Variants in PKP4 observed in about 807,000 individuals in gnomAD.
PKP4 encodes plakophilin 4, also known as plakophilin-4.
A neutral mutation model predicts 145.1 loss-of-function variants in PKP4; 90 were observed. The observed-to-expected ratio is 0.62, with a 90% CI of 0.52 to 0.74. PKP4 has a LOEUF of 0.74. PKP4 is among the 30% of genes least tolerant of loss of function. The pLI is 0.00. For missense variants in PKP4, 1,340 were observed against 1,482.7 expected (o/e 0.90, Z 1.58); for synonymous variants, 563 against 577.2 (o/e 0.98, Z 0.35).
intron 15 of PKP4, among the ~76,000 whole-genome samples, chr2:158,663,959 G>T (rs977965331): frequency 6.6e-6 from 1 of 152,212 alleles, no homozygotes; most frequent in African/African-American, 2.4e-5. Flanking sequence ...TGTGGGCCAG[G>T]ACTACTGGCT....
chr2:158,606,081 A>G (rs910463384), intron 4 of PKP4, among the ~76,000 whole-genome samples: 32 of 152,176 alleles, frequency 2.1e-4, no homozygotes, highest in African/African-American at 7.7e-4. Context: ...CATTTGTATA[A>G]AAGTTTTGAA....
At chr2:158,594,971 C>T (rs955101015) in intron 3 of PKP4, among the ~76,000 whole-genome samples, 4 of 152,154 alleles carry the variant, frequency 2.6e-5, no homozygotes, top group African/African-American at 9.7e-5. Flanking sequence ...TTCCTGTCTT[C>T]ACCTTACTGA....
chr2:158,497,611 CTG>C (rs1298318701), intron 1 of PKP4, among the ~76,000 whole-genome samples: 2 of 152,204 alleles, frequency 1.3e-5, no homozygotes, highest in South Asian at 2.1e-4. Flanking sequence ...TGAATTTAAA[CTG>C]TGTCACTAGC....
At chr2:158,554,910 A>C (rs1012105819) in intron 2 of PKP4, among the ~76,000 whole-genome samples, 1 of 152,200 alleles carries the variant, frequency 6.6e-6, no homozygotes, top group African/African-American at 2.4e-5. Flanking sequence ...CAAGAACAGC[A>C]GGGGTCCACT....
intron 3 of PKP4, among the ~76,000 whole-genome samples, chr2:158,597,400 T>C (rs2105835703): frequency 6.6e-6 from 1 of 152,348 alleles, no homozygotes; most frequent in African/African-American, 2.4e-5. Context: ...TAGATGCAGG[T>C]AGAATTAATA....
intron 10 of PKP4, among the ~76,000 whole-genome samples, chr2:158,641,949 A>G (rs2054321389): frequency 6.6e-6 from 1 of 151,318 alleles, no homozygotes; most frequent in Non-Finnish European, 1.5e-5. Flanking sequence ...AACCACTTAA[A>G]TCTCCTATCT....
chr2:158,593,158 G>C (rs952724954), intron 3 of PKP4, among the ~76,000 whole-genome samples: 3 of 152,020 alleles, frequency 2.0e-5, no homozygotes, highest in African/African-American at 7.2e-5. Flanking sequence ...AATGAGGAAG[G>C]CAACAGCATT....
intron 1 of PKP4, among the ~76,000 whole-genome samples, chr2:158,510,985 T>C (rs1188961541): frequency 6.6e-6 from 1 of 152,208 alleles, no homozygotes; most frequent in Non-Finnish European, 1.5e-5. Flanking sequence ...CAATTCCTGT[T>C]GTGCCAGACC....
intron 3 of PKP4, among the ~76,000 whole-genome samples, chr2:158,598,337 T>C (rs988758520): frequency 7.9e-5 from 12 of 152,188 alleles, no homozygotes; most frequent in African/African-American, 2.9e-4. Context: ...AGAATTACCA[T>C]GTGGCTCCAT....
In PKP4 at chr2:158,680,440, G is replaced by A. The variant is rs1363005484; in HGVS notation, c.3342G>A (p.Leu1114=). The change falls in exon 22 of 22, where the codon CTG becomes CTA. Residue 1114 remains leucine, a synonymous_variant. Coordinates refer to ENST00000389759, the MANE Select transcript of PKP4 (RefSeq NM_003628.6). ...EQNRRLQHQQ[L]YYSQDDSNRK... Reference sequence around the variant, plus strand: ...CATTTTGTCAACAGCATCAACAGCTGTATTATAGTCAAGATGACTCCAACA... The same window carrying A: ...CATTTTGTCAACAGCATCAACAGCTATATTATAGTCAAGATGACTCCAACA... 6.2e-7 allele frequency: 1 copy of A among 1,609,338 alleles called. No individual in the cohort carries two copies. The highest frequency in any genetic ancestry group is 8.5e-7 in the Non-Finnish European group (1 of 1,177,928).
intron 6 of PKP4, among the ~76,000 whole-genome samples, chr2:158,621,751 A>C (rs76044095): frequency 1.4e-5 from 2 of 140,502 alleles, no homozygotes; most frequent in Non-Finnish European, 3.1e-5. Flanking sequence ...GTCTCAAAAC[A>C]AAAAAAAAAA....
intron 2 of PKP4, among the ~76,000 whole-genome samples, chr2:158,564,765 G>A (rs1310074274): frequency 6.6e-6 from 1 of 152,144 alleles, no homozygotes; most frequent in Admixed American, 6.6e-5. Flanking sequence ...GCATGTGTGT[G>A]TATAGTTTGA....
chr2:158,678,707 A>C (rs2058225281), intron 21 of PKP4, 53 bp downstream of exon 21: 6 of 1,138,848 alleles, frequency 5.3e-6, no homozygotes, highest in Non-Finnish European at 8.0e-6. Flanking sequence ...TAACACAGTA[A>C]GGGGTCCACG....
At chr2:158,569,082 T>C (rs1056251323) in intron 2 of PKP4, among the ~76,000 whole-genome samples, 1 of 152,226 alleles carries the variant, frequency 6.6e-6, no homozygotes, top group Non-Finnish European at 1.5e-5. Context: ...GCTTTTCTTG[T>C]GTATTTTTAA....
intron 1 of PKP4, among the ~76,000 whole-genome samples, chr2:158,505,121 G>A (rs1423355211): frequency 6.6e-6 from 1 of 152,194 alleles, no homozygotes; most frequent in Non-Finnish European, 1.5e-5. Flanking sequence ...TCATGAGGAT[G>A]TTGTAAGAGT....
intron 1 of PKP4, among the ~76,000 whole-genome samples, chr2:158,473,495 C>T (rs556212086): frequency 2.4e-4 from 37 of 152,160 alleles, no homozygotes; most frequent in East Asian, 1.9e-4. Context: ...TAACAAGATC[C>T]GGTCTTTTGC....
At chr2:158,646,762 G>T (rs1027996141) in intron 11 of PKP4, among the ~76,000 whole-genome samples, 1 of 152,124 alleles carries the variant, frequency 6.6e-6, no homozygotes, top group Non-Finnish European at 1.5e-5. Context: ...ATTTTGTTCA[G>T]TCATCCATCC....
At chr2:158,600,637 C>A (rs1183768905) in intron 3 of PKP4, among the ~76,000 whole-genome samples, 1 of 152,042 alleles carries the variant, frequency 6.6e-6, no homozygotes, top group Non-Finnish European at 1.5e-5. Flanking sequence ...AAGTAGTGAA[C>A]AATTTGAGAG....
At chr2:158,668,973 G>A (rs1197681250) in intron 16 of PKP4, among the ~76,000 whole-genome samples, 1 of 152,118 alleles carries the variant, frequency 6.6e-6, no homozygotes, top group Non-Finnish European at 1.5e-5. Context: ...AAAGCTAGAG[G>A]TAATCTCTTT....
Sources: allele counts gnomAD v4.1 joint callset (sites outside exome capture counted in the v4.1 genomes callset), GRCh38; gene constraint gnomAD v4.1.1; transcripts MANE v1.5; gene names NCBI Gene and HGNC (gene_info 2026-07-23, HGNC 2026-07-21).